Variants in NKAIN3 observed in about 807,000 individuals in gnomAD.
The protein encoded by NKAIN3 is sodium/potassium-transporting ATPase subunit beta-1-interacting protein 3.
A neutral mutation model predicts 30.2 loss-of-function variants in NKAIN3; 25 were observed. The ratio of observed to expected loss-of-function variants is 0.83; its 90% CI spans 0.60 to 1.16. The LOEUF is 1.16. Ranked by LOEUF, NKAIN3 falls within the 50% of genes most tolerant of loss-of-function variation. The probability of loss-of-function intolerance (pLI) is 0.00; values close to 1 mark genes in which losing one functional copy is unlikely to be tolerated. For synonymous variants in NKAIN3, 91 were observed against 89.6 expected, an observed-to-expected ratio of 1.02 and a Z score of -0.09; for missense variants, 225 against 254.1, an observed-to-expected ratio of 0.89 and a Z score of 0.78.
chr8:62,699,061 G>C (rs1250204865), intron 3 of NKAIN3, among the ~76,000 whole-genome samples: 2 of 152,076 alleles, frequency 1.3e-5, no homozygotes, highest in South Asian at 2.1e-4. Context: ...CGGATATGCT[G>C]TTGTCATTAG....
At chr8:62,619,932 T>A (rs907118878) in intron 3 of NKAIN3, among the ~76,000 whole-genome samples, 7 of 152,086 alleles carry the variant, frequency 4.6e-5, no homozygotes, top group Non-Finnish European at 8.8e-5. Flanking sequence ...GGAGGAAAAA[T>A]ATCTTTTCCT....
intron 5 of NKAIN3, among the ~76,000 whole-genome samples, chr8:62,925,025 A>G (rs1191405364): frequency 6.6e-6 from 1 of 152,140 alleles, no homozygotes; most frequent in Non-Finnish European, 1.5e-5. Context: ...AGGGTAATAA[A>G]CATTCAGACC....
intron 4 of NKAIN3, among the ~76,000 whole-genome samples, chr8:62,898,614 A>T (rs1165970973): frequency 6.6e-6 from 1 of 152,146 alleles, no homozygotes; most frequent in Non-Finnish European, 1.5e-5. Context: ...TATTGTCTCA[A>T]ACTATGAAAC....
intron 1 of NKAIN3, among the ~76,000 whole-genome samples, chr8:62,442,277 T>G (rs1238900354): frequency 3.3e-5 from 5 of 152,124 alleles, no homozygotes; most frequent in Non-Finnish European, 7.4e-5. Context: ...ATTTCAATTT[T>G]TAATAGTCAT....
At position 62,974,264 on chromosome 8, in the gene NKAIN3, A is replaced by G. The variant is rs971893859; in HGVS notation, c.*8857A>G. Among the ~76,000 whole-genome samples the G allele has an allele frequency of 6.6e-6, 1 of 151,294 alleles. No individual in the cohort carries two copies. Among genetic ancestry groups the G allele is most frequent in the Non-Finnish European group, 1.5e-5 (1 of 67,412 alleles). The stretch of plus-strand genomic sequence containing the variant: ...ATAAATTACTTTGGGCAGTATGGCC[A>G]TTTTTACAATATTGATTCTTCCTAT... On this transcript the variant is annotated 3_prime_UTR_variant, in exon 7 of 7. Transcript: ENST00000623646.
intron 1 of NKAIN3, among the ~76,000 whole-genome samples, chr8:62,287,703 C>T (rs1813426076): frequency 6.6e-6 from 1 of 152,034 alleles, no homozygotes; most frequent in South Asian, 2.1e-4. Context: ...AAGATTTGAT[C>T]TATTAAAATT....
intron 1 of NKAIN3, among the ~76,000 whole-genome samples, chr8:62,365,893 T>C (rs1004932129): frequency 6.6e-6 from 1 of 152,206 alleles, no homozygotes; most frequent in South Asian, 2.1e-4. Context: ...TTTTTAAAAA[T>C]TTTAAGGGTA....
intron 1 of NKAIN3, among the ~76,000 whole-genome samples, chr8:62,353,578 A>G (rs1010153164): frequency 2.0e-5 from 3 of 152,174 alleles, no homozygotes; most frequent in Non-Finnish European, 4.4e-5. Context: ...ATAGCACTAG[A>G]TTATAGCCTC....
intron 1 of NKAIN3, among the ~76,000 whole-genome samples, chr8:62,507,322 C>G (rs145289279): frequency 6.6e-6 from 1 of 152,112 alleles, no homozygotes; most frequent in East Asian, 1.9e-4. Context: ...CTTAGAACAA[C>G]GTAATCAGTA....
In NKAIN3 at chr8:62,560,531, C is replaced by CTTTTTTTT. The variant is rs869256384; in HGVS notation, c.55-18990_55-18983dup. 1.7e-3 allele frequency among the ~76,000 whole-genome samples: 78 copies of CTTTTTTTT among 45,364 alleles called. 6 individuals carry two copies. The highest frequency in any genetic ancestry group is 2.2e-3 in the Non-Finnish European group (59 of 27,028). The allele number at this position is 45,364 out of a possible 152,430, so 29.8% of individuals were successfully genotyped here. A position where few individuals can be genotyped will look rare whatever the true frequency, so the allele number is the denominator to read the frequency against. The stretch of plus-strand genomic sequence containing the variant: ...CAGTTCACTGAATCTTTTTTCTTTT[C>CTTTTTTTT]TTTTTTTTTTTTTTTTTTTTTTTTT... On this transcript the variant is annotated intron_variant, in intron 1 of 6. Coordinates refer to ENST00000623646, the MANE Select transcript of NKAIN3 (RefSeq NM_001304533.3).
intron 1 of NKAIN3, among the ~76,000 whole-genome samples, chr8:62,296,929 T>C (rs1813849207): frequency 6.6e-6 from 1 of 152,156 alleles, no homozygotes; most frequent in Non-Finnish European, 1.5e-5. Flanking sequence ...ACCCATTTGC[T>C]CATTATAGAG....
chr8:62,919,226 AATTTTTTTTTTTT>A (rs1822200227), intron 5 of NKAIN3, among the ~76,000 whole-genome samples: 3 of 88,442 alleles, frequency 3.4e-5, no homozygotes, highest in African/African-American at 9.9e-5. Flanking sequence ...TTACTTTCAA[AATTTTTTTTTTTT>A]TTTTTTTTTT....
chr8:62,961,295 G>T (rs1488812150), intron 6 of NKAIN3, among the ~76,000 whole-genome samples: 1 of 148,798 alleles, frequency 6.7e-6, no homozygotes, highest in Non-Finnish European at 1.5e-5. Context: ...AAAAAAAAAA[G>T]TGGGTCAACG....
chr8:62,909,786 T>C (rs1821880863), intron 4 of NKAIN3, among the ~76,000 whole-genome samples: 1 of 152,210 alleles, frequency 6.6e-6, no homozygotes, highest in Non-Finnish European at 1.5e-5. Context: ...AATTCATTTA[T>C]AATAATATAG....
At chr8:62,458,953 C>T (rs1805903250) in intron 1 of NKAIN3, among the ~76,000 whole-genome samples, 1 of 151,558 alleles carries the variant, frequency 6.6e-6, no homozygotes, top group Admixed American at 6.6e-5. Flanking sequence ...TTTTCAGACT[C>T]TCTGTAGCAG....
intron 4 of NKAIN3, among the ~76,000 whole-genome samples, chr8:62,853,698 C>T (rs1819978751): frequency 6.6e-6 from 1 of 152,120 alleles, no homozygotes; most frequent in Admixed American, 6.6e-5. Context: ...TTTCATGTCT[C>T]TGTCTCCTTC....
rs557791006 is a variant in NKAIN3, at chr8:62,806,131, A to G, written c.471+59002A>G. Among the ~76,000 whole-genome samples, 204 of 152,300 alleles carry G rather than the reference A, an allele frequency of 1.3e-3. 1 individual carries two copies. Among genetic ancestry groups the G allele is most frequent in the African/African-American group, 3.5e-3 (147 of 41,554 alleles). ...ATCATCTCACACCAGTTAGAATGGC[A>G]ATCATTAAAAAGTTAGGAAACAACA... On this transcript the variant is annotated intron_variant, in intron 4 of 6. Transcript: ENST00000623646.
intron 3 of NKAIN3, among the ~76,000 whole-genome samples, chr8:62,689,005 TGTAA>T (rs1487099944): frequency 6.6e-6 from 1 of 152,224 alleles, no homozygotes; most frequent in East Asian, 1.9e-4. Context: ...CAATAACAAC[TGTAA>T]GTATGTATAT....
rs1450620021 is a variant in NKAIN3, at chr8:62,967,170, G to C, written c.*1763G>C. ...ATCCAAGCCACTATTCTGCAGATGA[G>C]GGGGCTGAAGCCTAAGGGATTTGGT... On this transcript the variant is annotated 3_prime_UTR_variant, in exon 7 of 7. Transcript: ENST00000623646. Among the ~76,000 whole-genome samples, 1 of 152,194 alleles carries C rather than the reference G, an allele frequency of 6.6e-6. No homozygotes were observed. The highest frequency in any genetic ancestry group is 1.5e-5 in the Non-Finnish European group (1 of 68,034).
Sources: gnomAD v4.1 joint callset for allele counts (sites outside exome capture counted in the v4.1 genomes callset) on GRCh38, gnomAD v4.1.1 for gene constraint, MANE v1.5 for transcripts, NCBI Gene and HGNC (gene_info 2026-07-23, HGNC 2026-07-21) for gene names.